Variants in NDUFA12 observed in about 807,000 individuals in gnomAD.
NDUFA12 encodes NADH:ubiquinone oxidoreductase subunit A12, also known as NADH dehydrogenase [ubiquinone] 1 alpha subcomplex subunit 12.
In NDUFA12, 17 loss-of-function variants were observed where a neutral mutation model predicts 20.3. The observed-to-expected ratio is 0.84, with a 90% CI of 0.57 to 1.26. The LOEUF is 1.26. NDUFA12 is among the 50% of genes most tolerant of loss of function. NDUFA12 has a pLI of 0.00. For missense variants in NDUFA12, 191 were observed against 183.7 expected (o/e 1.04, Z -0.23); for synonymous variants, 72 against 63.6 (o/e 1.13, Z -0.63).
intron 1 of NDUFA12, among the ~76,000 whole-genome samples, chr12:95,003,080 A>G (rs971167141): frequency 6.6e-6 from 1 of 152,214 alleles, no homozygotes; most frequent in Non-Finnish European, 1.5e-5. Context: ...GAATTAGCAA[A>G]ACCTTTAGGA....
At chr12:94,991,429 T>TG (rs1874641548) in intron 3 of NDUFA12, among the ~76,000 whole-genome samples, 1 of 148,844 alleles carries the variant, frequency 6.7e-6, no homozygotes, top group African/African-American at 2.5e-5. Context: ...AAAAATTAAT[T>TG]GAAAAAAAAA....
chr12:94,999,642 TC>T (rs1178965514), intron 2 of NDUFA12, among the ~76,000 whole-genome samples: 1 of 151,100 alleles, frequency 6.6e-6, no homozygotes, highest in African/African-American at 2.4e-5. Context: ...AAAAAAACAA[TC>T]CCATCAAAAC....
intron 2 of NDUFA12, chr12:94,996,964 T>C: frequency 2.5e-6 from 1 of 400,700 alleles, no homozygotes; most frequent in South Asian, 2.0e-5. Flanking sequence ...TCCTTGGGCC[T>C]CAGTTTCTTC....
At chr12:95,003,509 G>A (rs1267796519) in intron 1 of NDUFA12, 86 bp downstream of exon 1, 2 of 1,394,542 alleles carry the variant, frequency 1.4e-6, no homozygotes, top group Non-Finnish European at 2.0e-6. Flanking sequence ...GATTCTCCAA[G>A]GTGACCCGAG....
intron 2 of NDUFA12, among the ~76,000 whole-genome samples, chr12:94,996,668 A>C (rs997601896): frequency 2.0e-5 from 3 of 151,742 alleles, no homozygotes; most frequent in Non-Finnish European, 2.9e-5. Flanking sequence ...AAATACAAAA[A>C]ATTAGCTGGG....
intron 3 of NDUFA12, among the ~76,000 whole-genome samples, chr12:94,992,965 T>C (rs1874695207): frequency 6.6e-6 from 1 of 152,214 alleles, no homozygotes; most frequent in South Asian, 2.1e-4. Flanking sequence ...ATGCACTCAA[T>C]GTAAATAGGA....
intron 2 of NDUFA12, among the ~76,000 whole-genome samples, chr12:94,994,962 T>C (rs940289578): frequency 2.0e-5 from 3 of 152,174 alleles, no homozygotes; most frequent in African/African-American, 7.2e-5. Context: ...CTAGTAAAAG[T>C]GGATGACTAT....
intron 3 of NDUFA12, among the ~76,000 whole-genome samples, chr12:94,990,324 A>G (rs1413488627): frequency 6.6e-6 from 1 of 152,076 alleles, no homozygotes; most frequent in African/African-American, 2.4e-5. Flanking sequence ...ACGGAACCAC[A>G]GGTTGTTATT....
intron 3 of NDUFA12, among the ~76,000 whole-genome samples, chr12:94,983,831 CCA>C (rs1352369270): frequency 1.3e-5 from 2 of 152,092 alleles, no homozygotes; most frequent in African/African-American, 2.4e-5. Flanking sequence ...TTCACAGCAA[CCA>C]CAGAGATGCT....
At chr12:94,988,621 G>A (rs1874531914) in intron 3 of NDUFA12, among the ~76,000 whole-genome samples, 2 of 152,126 alleles carry the variant, frequency 1.3e-5, no homozygotes, top group Admixed American at 6.5e-5. Flanking sequence ...GGCCAGCAGC[G>A]TGGGTCAGCA....
intron 3 of NDUFA12, chr12:94,972,428 G>A: frequency 2.2e-6 from 1 of 451,234 alleles, no homozygotes; most frequent in Non-Finnish European, 4.5e-6. Context: ...GCCGATTCTG[G>A]ATTTTCAGTA....
chr12:95,000,926 C>T (rs1374495385), intron 2 of NDUFA12, among the ~76,000 whole-genome samples: 1 of 152,184 alleles, frequency 6.6e-6, no homozygotes, highest in Non-Finnish European at 1.5e-5. Context: ...TGCACATGTA[C>T]CCTAGAACTT....
At chr12:94,985,414 G>C (rs1874396245) in intron 3 of NDUFA12, among the ~76,000 whole-genome samples, 1 of 149,438 alleles carries the variant, frequency 6.7e-6, no homozygotes, top group Non-Finnish European at 1.5e-5. Flanking sequence ...CACGAGGTCA[G>C]GAGATCAACA....
chr12:94,994,805 C>A (rs1592705050), intron 2 of NDUFA12, among the ~76,000 whole-genome samples: 1 of 152,178 alleles, frequency 6.6e-6, no homozygotes, highest in East Asian at 1.9e-4. Flanking sequence ...GGCTGCACTC[C>A]TCATTTAGGA....
chr12:94,978,372 G>A (rs1874126935), intron 3 of NDUFA12, among the ~76,000 whole-genome samples: 1 of 152,178 alleles, frequency 6.6e-6, no homozygotes, highest in African/African-American at 2.4e-5. Flanking sequence ...TGAGATGTGG[G>A]ATATATGGAG....
At chr12:95,001,307 T>C (rs550333775) in intron 2 of NDUFA12, among the ~76,000 whole-genome samples, 3 of 151,050 alleles carry the variant, frequency 2.0e-5, no homozygotes, top group Non-Finnish European at 4.4e-5. Context: ...TGTCTCAAAA[T>C]AACAACAACA....
At chr12:94,999,231 G>A (rs185184960) in intron 2 of NDUFA12, among the ~76,000 whole-genome samples, 19 of 152,266 alleles carry the variant, frequency 1.2e-4, no homozygotes, top group African/African-American at 4.6e-4. Context: ...CATAAAGTGG[G>A]GAAAGGACAC....
chr12:94,984,659 G>A (rs1185461083), intron 3 of NDUFA12, among the ~76,000 whole-genome samples: 4 of 144,506 alleles, frequency 2.8e-5, no homozygotes, highest in Admixed American at 7.3e-5. Context: ...AAAGTAAGAA[G>A]GTGCTCCAAG....
At chr12:94,995,282 A>C (rs1238919535) in intron 2 of NDUFA12, among the ~76,000 whole-genome samples, 1 of 152,230 alleles carries the variant, frequency 6.6e-6, no homozygotes, top group Non-Finnish European at 1.5e-5. Flanking sequence ...TTACTGCTTC[A>C]TTTAGAGAAA....
Sources: allele counts gnomAD v4.1 joint callset (sites outside exome capture counted in the v4.1 genomes callset), GRCh38; gene constraint gnomAD v4.1.1; transcripts MANE v1.5; gene names NCBI Gene and HGNC (gene_info 2026-07-23, HGNC 2026-07-21).